The following PRKD1 variants were observed in gnomAD, a reference collection of about 807,000 sequenced individuals.
PRKD1 encodes serine/threonine-protein kinase D1.
PRKD1 carries 63 observed loss-of-function variants against 95.9 expected under a neutral mutation model. The observed-to-expected ratio is 0.66, with a 90% CI of 0.54 to 0.81. PRKD1 has a LOEUF of 0.81. Among genes scored for constraint, PRKD1 ranks in the 30% least tolerant of loss-of-function variants. PRKD1 has a pLI of 0.00. For missense variants in PRKD1, 1,048 were observed against 1,165.3 expected (o/e 0.90, Z 1.47); for synonymous variants, 425 against 423.1 (o/e 1.00, Z -0.05).
At chr14:29,784,472 T>C (rs935253185) in intron 1 of PRKD1, among the ~76,000 whole-genome samples, 12 of 152,228 alleles carry the variant, frequency 7.9e-5, no homozygotes, top group Admixed American at 6.5e-5. Flanking sequence ...AATCTGTAGA[T>C]TGCTTCATGT....
intron 1 of PRKD1, among the ~76,000 whole-genome samples, chr14:29,839,109 C>T (rs1022710917): frequency 2.0e-5 from 3 of 152,108 alleles, no homozygotes; most frequent in Non-Finnish European, 2.9e-5. Flanking sequence ...AAAAATTCCT[C>T]GTTTATGCCC....
chr14:29,636,434 T>A lies in PRKD1; in HGVS notation c.1046A>T (p.Asp349Val), dbSNP rs1880380788. Residue 349 changes from aspartate to valine, a missense_variant, in exon 7 of 18, where the codon GAT becomes GTT. Transcript: ENST00000331968. Reference sequence around the variant, plus strand: ...CATGAGCCCACTGTTCCTTTCACTATCATTGTCATCACTCCCTTCTTCCAT... The same window carrying A: ...CATGAGCCCACTGTTCCTTTCACTAACATTGTCATCACTCCCTTCTTCCAT... ...VVMEEGSDDN[D>V]SERNSGLMDD... 2 of 1,614,168 alleles carry A rather than the reference T, an allele frequency of 1.2e-6. No individual in the cohort carries two copies. Among genetic ancestry groups the A allele is most frequent in the Non-Finnish European group, 1.7e-6 (2 of 1,180,034 alleles).
At chr14:29,667,911 A>G (rs1882612849) in intron 2 of PRKD1, among the ~76,000 whole-genome samples, 1 of 149,434 alleles carries the variant, frequency 6.7e-6, no homozygotes, top group South Asian at 2.1e-4. Context: ...ACACTCCTCC[A>G]ATTTATGCTA....
At chr14:29,775,457 G>A (rs147980540) in intron 1 of PRKD1, among the ~76,000 whole-genome samples, 1,665 of 152,304 alleles carry the variant, frequency 0.011, 34 homozygotes, top group African/African-American at 0.037. Context: ...CTAATGCTGC[G>A]CTTTTCCAGT....
intron 1 of PRKD1, among the ~76,000 whole-genome samples, chr14:29,848,573 AG>A (rs1317797312): frequency 1.3e-5 from 2 of 151,774 alleles, no homozygotes; most frequent in African/African-American, 2.4e-5. Flanking sequence ...AAAAAGTATA[AG>A]GAAAAAAAAA....
intron 1 of PRKD1, among the ~76,000 whole-genome samples, chr14:29,854,763 T>A (rs1892433762): frequency 6.6e-6 from 1 of 151,894 alleles, no homozygotes; most frequent in African/African-American, 2.4e-5. Flanking sequence ...AGAAAAAAAG[T>A]GGTTTCGTGG....
intron 1 of PRKD1, among the ~76,000 whole-genome samples, chr14:29,890,609 T>A (rs1367594979): frequency 2.6e-5 from 4 of 152,178 alleles, no homozygotes; most frequent in Non-Finnish European, 5.9e-5. Context: ...AAACAAGCTC[T>A]CTGGCCTTTC....
chr14:29,922,919 C>G (rs564114161), intron 1 of PRKD1, among the ~76,000 whole-genome samples: 10 of 151,834 alleles, frequency 6.6e-5, no homozygotes, highest in Non-Finnish European at 1.2e-4. Flanking sequence ...AATTATATTA[C>G]TTAAGAATCA....
At chr14:29,687,139 TA>T (rs199662381) in intron 2 of PRKD1, among the ~76,000 whole-genome samples, 60 of 147,494 alleles carry the variant, frequency 4.1e-4, no homozygotes, top group African/African-American at 1.2e-3. Flanking sequence ...ACTATGAACT[TA>T]AAAAAAAAAG....
chr14:29,686,186 T>A (rs1883856903), intron 2 of PRKD1, among the ~76,000 whole-genome samples: 1 of 152,176 alleles, frequency 6.6e-6, no homozygotes. Context: ...TTAATTTGAA[T>A]CATTTTGGGT....
In PRKD1 at chr14:29,835,816, G is replaced by A. The variant is rs536826632; in HGVS notation, c.264+91433C>T. The stretch of plus-strand genomic sequence containing the variant: ...GAACTCCTGACCTCATGATCCTCCC[G>A]CCTCAGCCTCCCAAAGTGCTGGGAT... On this transcript the variant is annotated intron_variant, in intron 1 of 17. Transcript: ENST00000331968. 1.8e-4 allele frequency among the ~76,000 whole-genome samples: 27 copies of A among 152,118 alleles called. No homozygotes were observed. In the East Asian group the frequency reaches 4.3e-3, roughly 24 times the overall value.
At chr14:29,781,411 C>T (rs1220763613) in intron 1 of PRKD1, among the ~76,000 whole-genome samples, 2 of 152,130 alleles carry the variant, frequency 1.3e-5, no homozygotes, top group Non-Finnish European at 2.9e-5. Context: ...CAGTTTACCC[C>T]CTCAATATTT....
intron 1 of PRKD1, among the ~76,000 whole-genome samples, chr14:29,884,964 T>C (rs1354207762): frequency 2.0e-5 from 3 of 151,730 alleles, no homozygotes; most frequent in Non-Finnish European, 4.4e-5. Context: ...CTACTAAAAA[T>C]ACAGAAAAAT....
chr14:29,871,735 G>A (rs1289099647), intron 1 of PRKD1, among the ~76,000 whole-genome samples: 1 of 152,118 alleles, frequency 6.6e-6, no homozygotes, highest in African/African-American at 2.4e-5. Flanking sequence ...GAGTATGATG[G>A]TAAGTGCTCT....
intron 2 of PRKD1, among the ~76,000 whole-genome samples, chr14:29,710,851 G>A (rs1410381049): frequency 6.6e-6 from 1 of 151,992 alleles, no homozygotes; most frequent in African/African-American, 2.4e-5. Context: ...TATATATTAG[G>A]TTGATTACTG....
At chr14:29,708,985 A>G (rs58821711) in intron 2 of PRKD1, among the ~76,000 whole-genome samples, 10,295 of 152,230 alleles carry the variant, frequency 0.068, 880 homozygotes, top group African/African-American at 0.2. Flanking sequence ...AACTTTTACT[A>G]TAGCATTAAT....
At chr14:29,786,642 A>C (rs1346010031) in intron 1 of PRKD1, among the ~76,000 whole-genome samples, 1 of 152,138 alleles carries the variant, frequency 6.6e-6, no homozygotes, top group Non-Finnish European at 1.5e-5. Flanking sequence ...GGTTCATAAT[A>C]GTCTCCAATG....
At chr14:29,660,625 A>G (rs1882137619) in intron 4 of PRKD1, among the ~76,000 whole-genome samples, 2 of 152,210 alleles carry the variant, frequency 1.3e-5, no homozygotes, top group Non-Finnish European at 1.5e-5. Flanking sequence ...ACAACAGATT[A>G]TTATATTATA....
At chr14:29,603,331 T>C (rs1420338750) in intron 13 of PRKD1, among the ~76,000 whole-genome samples, 3 of 152,218 alleles carry the variant, frequency 2.0e-5, no homozygotes, top group Non-Finnish European at 4.4e-5. Flanking sequence ...GATACTTACT[T>C]AGGAACTGTA....
Sources: allele counts gnomAD v4.1 joint callset (sites outside exome capture counted in the v4.1 genomes callset), GRCh38; gene constraint gnomAD v4.1.1; transcripts MANE v1.5; gene names NCBI Gene and HGNC (gene_info 2026-07-23, HGNC 2026-07-21).